ARHGEF28: variants seen among roughly 807,000 people sequenced by gnomAD.
ARHGEF28 encodes Rho guanine nucleotide exchange factor 28.
Under a neutral mutation model 206.6 loss-of-function variants are expected in ARHGEF28, and 152 were observed. The observed-to-expected ratio is 0.74, with a 90% CI of 0.64 to 0.84. The LOEUF is 0.84. Ranked by LOEUF, ARHGEF28 falls within the 40% of genes least tolerant of loss-of-function variation. ARHGEF28 has a pLI of 0.00. For synonymous variants in ARHGEF28, 763 were observed against 776.4 expected (o/e 0.98, Z 0.29); for missense variants, 2,028 against 2,073.2 (o/e 0.98, Z 0.42).
chr5:73,848,054 GT>G (rs1758472867), intron 12 of ARHGEF28, among the ~76,000 whole-genome samples: 1 of 152,164 alleles, frequency 6.6e-6, no homozygotes, highest in African/African-American at 2.4e-5. Flanking sequence ...GTTTCTGATG[GT>G]TTAATTTTAG....
At chr5:73,828,984 C>A (rs941852594) in intron 9 of ARHGEF28, among the ~76,000 whole-genome samples, 1 of 152,136 alleles carries the variant, frequency 6.6e-6, no homozygotes, top group East Asian at 1.9e-4. Flanking sequence ...CCACACCCAT[C>A]TGATTTTTGT....
chr5:73,836,916 TGTCTTTTCTC>T (rs1476547784), intron 10 of ARHGEF28, among the ~76,000 whole-genome samples: 1 of 152,016 alleles, frequency 6.6e-6, no homozygotes, highest in Non-Finnish European at 1.5e-5. Flanking sequence ...TTGAAGGATC[TGTCTTTTCTC>T]TGTTGTGTAT....
chr5:73,700,569 T>C (rs1168827655), intron 2 of ARHGEF28, among the ~76,000 whole-genome samples: 1 of 152,162 alleles, frequency 6.6e-6, no homozygotes, highest in Non-Finnish European at 1.5e-5. Context: ...TATTGCACAG[T>C]TGGGTGACTA....
Position 73,891,954 on chromosome 5 carries a change from G to A in ARHGEF28, c.3388-98G>A, listed in dbSNP as rs1761669034. 8 of 1,100,510 alleles carry A rather than the reference G, an allele frequency of 7.3e-6. No individual in the cohort carries two copies. The East Asian group carries it at 2.1e-4, about 29-fold the overall frequency. The allele number at this position is 1,100,510 out of a possible 1,614,324, so 68.2% of individuals were successfully genotyped here. A position where few individuals can be genotyped will look rare whatever the true frequency, so the allele number is the denominator to read the frequency against. On this transcript the variant is annotated intron_variant, in intron 26 of 35. Transcript: ENST00000513042. ...TTTGAAAAGATTGGAAGTGGAGAAA[G>A]GTTTACCTAGTACTCTTGCTTCCTT... is the stretch of plus-strand genomic sequence containing the variant.
At chr5:73,915,386 G>A (rs1763154261) in intron 35 of ARHGEF28, among the ~76,000 whole-genome samples, 1 of 152,056 alleles carries the variant, frequency 6.6e-6, no homozygotes, top group Non-Finnish European at 1.5e-5. Context: ...GAACTTTAAA[G>A]AACTTTACTT....
At position 73,632,415 on chromosome 5, in the gene ARHGEF28, A is replaced by G. The variant is rs549588006; in HGVS notation, c.-12+6093A>G. 2.0e-4 allele frequency among the ~76,000 whole-genome samples: 31 copies of G among 152,326 alleles called. 1 individual carries two copies. Among genetic ancestry groups the G allele is most frequent in the Non-Finnish European group, 8.8e-5 (6 of 68,028 alleles). ...TCCAGAAGGTGCACAATTCCCCTGC[A>G]TGGCCTATCTCCAAATGGTTGACCA... On this transcript the variant is annotated intron_variant, in intron 1 of 35. Coordinates refer to ENST00000513042, the MANE Select transcript of ARHGEF28 (RefSeq NM_001177693.2).
At chr5:73,682,418 C>CTTTTTTTTTTTTTTTTTTTT (rs113519554) in intron 1 of ARHGEF28, among the ~76,000 whole-genome samples, 1 of 140,714 alleles carries the variant, frequency 7.1e-6, no homozygotes, top group Non-Finnish European at 1.5e-5. Flanking sequence ...ACAATTCATT[C>CTTTTTTTTTTTTTTTTTTTT]TTTTTTTTTT....
intron 11 of ARHGEF28, among the ~76,000 whole-genome samples, chr5:73,844,567 A>T (rs1758183300): frequency 1.3e-5 from 2 of 151,444 alleles, no homozygotes; most frequent in Non-Finnish European, 1.5e-5. Context: ...ATTTTTTTTT[A>T]AATAACCTAA....
At chr5:73,789,429 G>A (rs1472353753) in intron 7 of ARHGEF28, among the ~76,000 whole-genome samples, 1 of 152,152 alleles carries the variant, frequency 6.6e-6, no homozygotes, top group African/African-American at 2.4e-5. Flanking sequence ...GAAATGTGGA[G>A]CGATTGCTAA....
At chr5:73,752,002 G>A (rs1181331258) in intron 3 of ARHGEF28, among the ~76,000 whole-genome samples, 1 of 152,144 alleles carries the variant, frequency 6.6e-6, no homozygotes. Context: ...AAGCCTCTGG[G>A]AAAAGTCTTT....
chr5:73,894,930 T>C (rs1455105534), intron 29 of ARHGEF28, among the ~76,000 whole-genome samples: 1 of 151,700 alleles, frequency 6.6e-6, no homozygotes, highest in Non-Finnish European at 1.5e-5. Context: ...CTTCCAGGCG[T>C]AGGGAATGGC....
At chr5:73,630,219 C>T (rs115253433) in intron 1 of ARHGEF28, among the ~76,000 whole-genome samples, 1,851 of 152,264 alleles carry the variant, frequency 0.012, 38 homozygotes, top group African/African-American at 0.041. Context: ...AATTCATTAT[C>T]AAACACTAGT....
chr5:73,706,555 G>T (rs922161146), intron 2 of ARHGEF28, among the ~76,000 whole-genome samples: 2 of 152,184 alleles, frequency 1.3e-5, no homozygotes, highest in African/African-American at 4.8e-5. Context: ...TTTTCCTGCC[G>T]ATTTCTGGAT....
intron 2 of ARHGEF28, among the ~76,000 whole-genome samples, chr5:73,723,197 T>A (rs905543015): frequency 3.3e-5 from 5 of 152,340 alleles, no homozygotes; most frequent in African/African-American, 9.6e-5. Context: ...AAGAATTTTT[T>A]TTTTTCCTTT....
chr5:73,887,624 C>T lies in ARHGEF28; in HGVS notation c.3332C>T (p.Thr1111Ile), dbSNP rs1424620502. 2 of 1,570,764 alleles carry T rather than the reference C, an allele frequency of 1.3e-6. No individual in the cohort carries two copies. The highest frequency in any genetic ancestry group is 1.2e-5 in the South Asian group (1 of 85,414). Residue 1111 changes from threonine to isoleucine, a missense_variant, in exon 26 of 36, where the codon ACT becomes ATT. By Grantham distance (89) the Thr-to-Ile change is moderately conservative. Around this residue, in one of 3 missense-constraint regions of ARHGEF28, gnomAD observed 803 missense variants for 768.0 expected, o/e 1.05. Transcript: ENST00000513042. The part of the protein sequence containing the change: ...RFKDILALLL[T>I]DVLLFLQEKD... ...AAAGATATCCTAGCTCTACTTCTAA[C>T]TGATGTGCTGCTCTTTTTACAAGAA...
intron 7 of ARHGEF28, among the ~76,000 whole-genome samples, chr5:73,790,681 GA>G (rs33944186): frequency 0.53 from 74,600 of 141,878 alleles, 19,012 homozygotes; most frequent in African/African-American, 0.62. Context: ...CCACTTTTAG[GA>G]AAAAAAAAAA....
chr5:73,794,200 A>T (rs1390264963), intron 7 of ARHGEF28, among the ~76,000 whole-genome samples: 1 of 152,116 alleles, frequency 6.6e-6, no homozygotes, highest in African/African-American at 2.4e-5. Flanking sequence ...ATCTTAGTCC[A>T]CACAGATAAT....
At chr5:73,875,401 T>C (rs1317719189) in intron 22 of ARHGEF28, among the ~76,000 whole-genome samples, 3 of 150,880 alleles carry the variant, frequency 2.0e-5, no homozygotes, top group Non-Finnish European at 3.0e-5. Context: ...TTTCTTTTGC[T>C]GTGCGGAAGC....
intron 1 of ARHGEF28, among the ~76,000 whole-genome samples, chr5:73,635,288 G>A (rs555620192): frequency 6.6e-6 from 1 of 152,268 alleles, no homozygotes; most frequent in African/African-American, 2.4e-5. Flanking sequence ...GGTAGCAAGT[G>A]GGCCGAGATC....
Sources: allele counts gnomAD v4.1 joint callset (sites outside exome capture counted in the v4.1 genomes callset), GRCh38; gene constraint gnomAD v4.1.1; regional missense constraint gnomAD v4.1.1; transcripts MANE v1.5; gene names NCBI Gene and HGNC (gene_info 2026-07-23, HGNC 2026-07-21).